CDH13: variants seen among roughly 807,000 people sequenced by gnomAD.
CDH13 encodes the protein cadherin-13.
In CDH13, 24 loss-of-function variants were observed where a neutral mutation model predicts 63.8. The ratio of observed to expected loss-of-function variants is 0.38; its 90% CI spans 0.27 to 0.53. CDH13 has a LOEUF of 0.53. CDH13 is among the 20% of genes least tolerant of loss of function. The pLI, the probability that CDH13 is intolerant of heterozygous loss-of-function variation, is 0.85. For missense variants in CDH13, 1,049 were observed against 903.1 expected (o/e 1.16, Z -2.07); for synonymous variants, 503 against 355.3 (o/e 1.42, Z -4.67).
chr16:82,773,906 C>A (rs1028565774), intron 1 of CDH13, among the ~76,000 whole-genome samples: 1 of 151,956 alleles, frequency 6.6e-6, no homozygotes, highest in Non-Finnish European at 1.5e-5. Context: ...GCTTCAGCCT[C>A]CCAAGTAGCT....
At chr16:83,696,134 A>C (rs1052761443) in intron 10 of CDH13, among the ~76,000 whole-genome samples, 3 of 151,806 alleles carry the variant, frequency 2.0e-5, no homozygotes, top group East Asian at 1.9e-4. Context: ...CAAGCAATCC[A>C]CTCGCTTCTG....
intron 3 of CDH13, among the ~76,000 whole-genome samples, chr16:83,067,796 C>A (rs1170161235): frequency 6.6e-6 from 1 of 152,172 alleles, no homozygotes; most frequent in Admixed American, 6.5e-5. Flanking sequence ...TCCTCTCCTT[C>A]CGTCAGCCTG....
At chr16:83,348,027 G>GA (rs1012396684) in intron 6 of CDH13, among the ~76,000 whole-genome samples, 25 of 151,870 alleles carry the variant, frequency 1.6e-4, no homozygotes, top group African/African-American at 2.9e-4. Context: ...CCATTGCTAC[G>GA]AAAAAAACAA....
At chr16:83,174,675 C>G (rs1404883106) in intron 4 of CDH13, among the ~76,000 whole-genome samples, 1 of 152,018 alleles carries the variant, frequency 6.6e-6, no homozygotes, top group Non-Finnish European at 1.5e-5. Context: ...ATGTATTAGT[C>G]TGTTTTCACA....
At chr16:83,151,198 A>G (rs932213333) in intron 4 of CDH13, among the ~76,000 whole-genome samples, 1 of 152,216 alleles carries the variant, frequency 6.6e-6, no homozygotes, top group Admixed American at 6.5e-5. Flanking sequence ...TCGAAGGCCC[A>G]TCAGAGAGAC....
At chr16:82,677,845 C>G (rs1047218508) in intron 1 of CDH13, among the ~76,000 whole-genome samples, 16 of 152,142 alleles carry the variant, frequency 1.1e-4, no homozygotes, top group African/African-American at 3.9e-4. Context: ...TTAAGCCTGT[C>G]TTTAAGTTTC....
intron 2 of CDH13, among the ~76,000 whole-genome samples, chr16:82,898,508 G>C (rs1247903045): frequency 6.6e-6 from 1 of 152,208 alleles, no homozygotes; most frequent in Non-Finnish European, 1.5e-5. Context: ...TTGGGAGACA[G>C]ATTGAGACTC....
intron 2 of CDH13, among the ~76,000 whole-genome samples, chr16:82,877,162 A>C (rs1429139844): frequency 1.3e-5 from 2 of 152,224 alleles, no homozygotes; most frequent in African/African-American, 2.4e-5. Context: ...CAAGCAATTT[A>C]AGATAGGAAG....
chr16:83,752,275 T>A (rs2150977272), intron 11 of CDH13, among the ~76,000 whole-genome samples: 1 of 152,332 alleles, frequency 6.6e-6, no homozygotes, highest in South Asian at 2.1e-4. Flanking sequence ...AGAAATGCGG[T>A]ATACTTGAAT....
At chr16:83,003,112 A>G (rs1053260112) in intron 2 of CDH13, among the ~76,000 whole-genome samples, 1 of 152,196 alleles carries the variant, frequency 6.6e-6, no homozygotes, top group Admixed American at 6.5e-5. Flanking sequence ...TCCTTTCCCC[A>G]ACACTGGAAT....
intron 10 of CDH13, among the ~76,000 whole-genome samples, chr16:83,689,700 T>G (rs1598483806): frequency 6.6e-6 from 1 of 152,194 alleles, no homozygotes; most frequent in African/African-American, 2.4e-5. Context: ...CACTAGAAGA[T>G]CCGACCTTAT....
At chr16:83,783,027 A>T (rs536782516) in intron 12 of CDH13, among the ~76,000 whole-genome samples, 2 of 152,316 alleles carry the variant, frequency 1.3e-5, no homozygotes, top group South Asian at 4.1e-4. Context: ...TGTTCATTAC[A>T]GGAGCCAGCA....
intron 1 of CDH13, among the ~76,000 whole-genome samples, chr16:82,674,691 G>GA (rs1262320086): frequency 1.3e-5 from 2 of 152,164 alleles, no homozygotes; most frequent in African/African-American, 4.8e-5. Context: ...GCCATCTCCT[G>GA]TGCTAACATT....
intron 8 of CDH13, among the ~76,000 whole-genome samples, chr16:83,603,247 C>T (rs373782353): frequency 6.6e-6 from 1 of 152,212 alleles, no homozygotes; most frequent in Non-Finnish European, 1.5e-5. Context: ...TGGAAATGTG[C>T]TAAGATTGTG....
At chr16:83,374,478 A>G (rs1049632959) in intron 6 of CDH13, among the ~76,000 whole-genome samples, 4 of 152,198 alleles carry the variant, frequency 2.6e-5, no homozygotes, top group African/African-American at 9.7e-5. Context: ...CTCTGTTCAC[A>G]GTTTTGACTA....
intron 7 of CDH13, among the ~76,000 whole-genome samples, chr16:83,495,541 A>G (rs897306814): frequency 2.0e-5 from 3 of 152,212 alleles, no homozygotes; most frequent in African/African-American, 7.2e-5. Context: ...AGAAAAAGGC[A>G]TGAGAAGGGG....
intron 11 of CDH13, among the ~76,000 whole-genome samples, chr16:83,752,098 C>T (rs902509984): frequency 1.3e-5 from 2 of 152,222 alleles, no homozygotes; most frequent in Non-Finnish European, 1.5e-5. Flanking sequence ...GTATCCATTA[C>T]TGATCAGCTA....
chr16:83,122,929 C>G (rs2035650060), intron 3 of CDH13, among the ~76,000 whole-genome samples: 1 of 152,088 alleles, frequency 6.6e-6, no homozygotes, highest in Non-Finnish European at 1.5e-5. Flanking sequence ...ACCCTCCTCC[C>G]ACCCTCCCAC....
At chr16:83,101,130 T>C (rs2034458307) in intron 3 of CDH13, among the ~76,000 whole-genome samples, 1 of 151,966 alleles carries the variant, frequency 6.6e-6, no homozygotes. Flanking sequence ...CAAAAATCCC[T>C]GCATTTATGG....
Sources: allele counts gnomAD v4.1 joint callset (sites outside exome capture counted in the v4.1 genomes callset), GRCh38; gene constraint gnomAD v4.1.1; transcripts MANE v1.5; gene names NCBI Gene and HGNC (gene_info 2026-07-23, HGNC 2026-07-21).